KCNK5: variants seen among roughly 807,000 people sequenced by gnomAD.
The protein encoded by KCNK5 is potassium channel subfamily K member 5.
KCNK5 carries 18 observed loss-of-function variants against 32.9 expected under a neutral mutation model. The ratio of observed to expected loss-of-function variants is 0.55; its 90% CI spans 0.38 to 0.81. KCNK5 has a LOEUF of 0.81. Ranked by LOEUF, KCNK5 falls within the 30% of genes least tolerant of loss-of-function variation. The pLI, the probability that KCNK5 is intolerant of heterozygous loss-of-function variation, is 0.00. For synonymous variants in KCNK5, 276 were observed against 275.3 expected (o/e 1.00, Z -0.03); for missense variants, 507 against 651.0 (o/e 0.78, Z 2.41).
intron 1 of KCNK5, among the ~76,000 whole-genome samples, chr6:39,207,669 G>C (rs1221746216): frequency 6.6e-6 from 1 of 152,112 alleles, no homozygotes; most frequent in Non-Finnish European, 1.5e-5. Flanking sequence ...AGGAGCTGAG[G>C]GATACCAGGG....
At chr6:39,202,630 G>A (rs1178586961) in intron 1 of KCNK5, among the ~76,000 whole-genome samples, 3 of 152,182 alleles carry the variant, frequency 2.0e-5, no homozygotes, top group South Asian at 4.1e-4. Flanking sequence ...TAAATGTACC[G>A]AGAGCAGGCA....
At chr6:39,218,036 A>G (rs1297103110) in intron 1 of KCNK5, among the ~76,000 whole-genome samples, 1 of 151,468 alleles carries the variant, frequency 6.6e-6, no homozygotes, top group Non-Finnish European at 1.5e-5. Flanking sequence ...TCTGCACCCC[A>G]AAATACCATC....
intron 1 of KCNK5, among the ~76,000 whole-genome samples, chr6:39,217,167 C>T (rs1245027581): frequency 3.0e-5 from 4 of 134,152 alleles, no homozygotes; most frequent in African/African-American, 8.1e-5. Context: ...AAGAAACTGG[C>T]TATTAGTGTG....
In KCNK5 at chr6:39,191,516, T is replaced by C; in HGVS notation, c.874A>G (p.Ser292Gly). The C allele has an allele frequency of 6.2e-7, 1 of 1,613,932 alleles. No homozygotes were observed. Among genetic ancestry groups the C allele is most frequent in the Non-Finnish European group, 8.5e-7 (1 of 1,180,006 alleles). ...STASKDVNIF[S>G]FLSKKEETYN... Reference sequence around the variant, plus strand: ...GTCTCTTCCTTCTTGGAAAGAAAGCTGAAGATGTTGACGTCCTTGGAGGCT... The same window carrying C: ...GTCTCTTCCTTCTTGGAAAGAAAGCCGAAGATGTTGACGTCCTTGGAGGCT... Residue 292 changes from serine to glycine, a missense_variant, in exon 5 of 5, where the codon AGC (serine) becomes GGC (glycine). Ser to Gly is a moderately conservative substitution (Grantham distance 56). Transcript: ENST00000359534. This position sits in a 1 kb window ranked among gnomAD's most constrained non-coding sequence, Gnocchi z 5.8.
chr6:39,190,956 C>T lies in KCNK5; in HGVS notation c.1434G>A (p.Glu478=). The change falls in exon 5 of 5, where the codon GAG becomes GAA. Residue 478 remains glutamate (E), a synonymous_variant. Transcript: ENST00000359534. ...SESTFTSTES[E]LSVPYEQLMN... ...TCAGCTGTTCGTAAGGCACAGAGAGCTCAGACTCAGTGCTGGTGAAGGTGG... is the reference window on the plus strand; with the variant it reads ...TCAGCTGTTCGTAAGGCACAGAGAGTTCAGACTCAGTGCTGGTGAAGGTGG... The T allele has an allele frequency of 6.6e-7, 1 of 1,525,204 alleles. No homozygotes were observed. Among genetic ancestry groups the T allele is most frequent in the African/African-American group, 1.4e-5 (1 of 72,228 alleles). The allele number at this position is 1,525,204 out of a possible 1,614,324, so 94.5% of individuals were successfully genotyped here.
At chr6:39,192,876 A>C (rs933274191) in intron 4 of KCNK5, among the ~76,000 whole-genome samples, 6 of 152,156 alleles carry the variant, frequency 3.9e-5, no homozygotes, top group African/African-American at 1.4e-4. Context: ...GACCTGGAGG[A>C]AGGGGGCTAC....
chr6:39,191,159 GGTA>G lies in KCNK5; in HGVS notation c.1228_1230del (p.Tyr410del). The G allele has an allele frequency of 6.2e-7, 1 of 1,614,228 alleles. No homozygotes were observed. Among genetic ancestry groups the G allele is most frequent in the Non-Finnish European group, 8.5e-7 (1 of 1,180,044 alleles). ...CTGGCGTCCTGGAAGATGAGTGGGTGGTAGTCCTGGGCGTCCCATGGCTCGCAT... is the reference window on the plus strand; with the variant it reads ...CTGGCGTCCTGGAAGATGAGTGGGTGGTCCTGGGCGTCCCATGGCTCGCAT... On this transcript the variant is annotated inframe_deletion, in exon 5 of 5. Transcript: ENST00000359534. This position sits in a 1 kb window ranked among gnomAD's most constrained non-coding sequence, Gnocchi z 5.8.
chr6:39,206,209 A>G (rs1771223325), intron 1 of KCNK5, among the ~76,000 whole-genome samples: 1 of 152,196 alleles, frequency 6.6e-6, no homozygotes, highest in Non-Finnish European at 1.5e-5. Flanking sequence ...TGCCACCCGG[A>G]ACTGGGCTGA....
chr6:39,203,944 A>G (rs900980952), intron 1 of KCNK5, among the ~76,000 whole-genome samples: 1 of 152,194 alleles, frequency 6.6e-6, no homozygotes, highest in Non-Finnish European at 1.5e-5. Flanking sequence ...GGGTCAGGTG[A>G]CCAGGGTGTG....
intron 1 of KCNK5, among the ~76,000 whole-genome samples, chr6:39,201,231 G>C (rs1232230535): frequency 6.6e-6 from 1 of 151,510 alleles, no homozygotes; most frequent in East Asian, 1.9e-4. Context: ...ACCATTCCCA[G>C]CTGCATCAAT....
At chr6:39,221,642 T>C (rs1487673767) in intron 1 of KCNK5, among the ~76,000 whole-genome samples, 1 of 152,200 alleles carries the variant, frequency 6.6e-6, no homozygotes, top group Non-Finnish European at 1.5e-5. Context: ...GGTGCACACC[T>C]GGAGTCCCCA....
chr6:39,215,458 C>T (rs1771414485), intron 1 of KCNK5, among the ~76,000 whole-genome samples: 1 of 152,198 alleles, frequency 6.6e-6, no homozygotes, highest in South Asian at 2.1e-4. Context: ...GGATGGACGT[C>T]TTTCTCCTCC....
rs979895913 is a variant in KCNK5 at position 39,229,256 on chromosome 6, C to A, written c.-145G>T. 1 of 872,462 alleles carries A rather than the reference C, an allele frequency of 1.1e-6. No individual in the cohort carries two copies. Among genetic ancestry groups the A allele is most frequent in the Admixed American group, 2.8e-5 (1 of 36,356 alleles). The allele number at this position is 872,462 out of a possible 1,614,324, so 54.0% of individuals were successfully genotyped here. A position where few individuals can be genotyped will look rare whatever the true frequency, so the allele number is the denominator to read the frequency against. On this transcript the variant is annotated 5_prime_UTR_variant, in exon 1 of 5. Coordinates refer to ENST00000359534, the MANE Select transcript of KCNK5 (RefSeq NM_003740.4). ...CGGTACTCACCCCCCGCAAGCACCGCTCCCCGGACAGAGTTGCTTGGCCAA... is the reference window on the plus strand; with the variant it reads ...CGGTACTCACCCCCCGCAAGCACCGATCCCCGGACAGAGTTGCTTGGCCAA...
chr6:39,202,093 T>C lies in KCNK5; in HGVS notation c.187-6106A>G, dbSNP rs531301015. ...TTCATGGGGACAGGGCCTTTTGTTT[T>C]GTTTTTCACTGATGTATTCCCCAAA... On this transcript the variant is annotated intron_variant, in intron 1 of 4. Coordinates refer to ENST00000359534, the MANE Select transcript of KCNK5 (RefSeq NM_003740.4). Among the ~76,000 whole-genome samples the C allele has an allele frequency of 3.9e-5, 6 of 152,332 alleles. No individual in the cohort carries two copies. The East Asian group carries it at 9.6e-4, about 24-fold the overall frequency.
At chr6:39,208,547 C>A (rs1771270788) in intron 1 of KCNK5, among the ~76,000 whole-genome samples, 1 of 152,260 alleles carries the variant, frequency 6.6e-6, no homozygotes. Context: ...AAGCCCATTT[C>A]CTTTGGTTCA....
intron 1 of KCNK5, among the ~76,000 whole-genome samples, chr6:39,222,173 G>A (rs1195091671): frequency 6.6e-6 from 1 of 152,204 alleles, no homozygotes; most frequent in African/African-American, 2.4e-5. Flanking sequence ...AATCTGGGAA[G>A]GTCACCAAAC....
Position 39,190,439 on chromosome 6 carries a change from A to C in KCNK5, c.*451T>G, listed in dbSNP as rs1044837169. The C allele has an allele frequency of 6.5e-6, 1 of 153,668 alleles. No homozygotes were observed. The highest frequency in any genetic ancestry group is 2.4e-5 in the African/African-American group (1 of 41,456). 9.5% of individuals were successfully genotyped at this position (153,668 alleles called of 1,614,324 possible). On this transcript the variant is annotated 3_prime_UTR_variant, in exon 5 of 5. Transcript: ENST00000359534. ...GGTACGGAAACACCTGACCCCACGC[A>C]CAGCGGTACCTCCCCAGACACTTCA...
In KCNK5 at chr6:39,191,765, C is replaced by T; in HGVS notation, c.635-10G>A. 1 of 1,606,278 alleles carries T rather than the reference C, an allele frequency of 6.2e-7. No individual in the cohort carries two copies. The highest frequency in any genetic ancestry group is 8.5e-7 in the Non-Finnish European group (1 of 1,174,994). On this transcript the variant is annotated splice_polypyrimidine_tract_variant and intron_variant, in intron 4 of 4. Transcript: ENST00000359534. This position sits in a 1 kb window ranked among gnomAD's most constrained non-coding sequence, Gnocchi z 5.8. ...GCGCTGGGGTTCACACCTGAGCGGA[C>T]AGGCAGTCCAGAGGTCAGGAAGAGT...
At chr6:39,193,306 G>T (rs940514610) in intron 4 of KCNK5, among the ~76,000 whole-genome samples, 9 of 152,196 alleles carry the variant, frequency 5.9e-5, no homozygotes, top group Non-Finnish European at 1.3e-4. Flanking sequence ...AGGGTCAGGG[G>T]AGTGTTTGTG....
Sources: gnomAD v4.1 joint callset for allele counts (sites outside exome capture counted in the v4.1 genomes callset) on GRCh38, gnomAD v4.1.1 for gene constraint, Gnocchi (gnomAD v3.1) non-coding constraint, MANE v1.5 for transcripts, NCBI Gene and HGNC (gene_info 2026-07-23, HGNC 2026-07-21) for gene names.